DNAJC3: variants seen among roughly 807,000 people sequenced by gnomAD.
DNAJC3 encodes DnaJ heat shock protein family (Hsp40) member C3, also known as dnaJ homolog subfamily C member 3.
Under a neutral mutation model 68.6 loss-of-function variants are expected in DNAJC3, and 38 were observed. The observed-to-expected ratio is 0.55, with a 90% confidence interval of 0.43 to 0.73. The LOEUF is 0.73. Ranked by LOEUF, DNAJC3 falls within the 30% of genes least tolerant of loss-of-function variation. The pLI, the probability that DNAJC3 is intolerant of heterozygous loss-of-function variation, is 0.00. For missense variants in DNAJC3, 526 were observed against 591.9 expected, an observed-to-expected ratio of 0.89 and a Z score of 1.16; for synonymous variants, 203 against 204.0, an observed-to-expected ratio of 1.00 and a Z score of 0.04.
intron 11 of DNAJC3, among the ~76,000 whole-genome samples, chr13:95,788,818 T>G (rs1242810755): frequency 6.6e-6 from 1 of 152,186 alleles, no homozygotes; most frequent in Non-Finnish European, 1.5e-5. Context: ...TAGATTAATT[T>G]TGCCTGTGAG....
At chr13:95,723,122 CT>C (rs1480116574) in intron 2 of DNAJC3, 119 bp from the exon 3 acceptor site, 12 of 926,316 alleles carry the variant, frequency 1.3e-5, no homozygotes, top group Admixed American at 3.0e-5. Context: ...TGATGAGATT[CT>C]TTTCTTAATG....
In DNAJC3 at chr13:95,792,982, C is replaced by G. The variant is rs1185732763; in HGVS notation, c.*1952C>G. ...TGGAGAGCACGACAGTTGCCAACAA[C>G]AAGGGGTCAAGGGCCGCACAGGAGA... On this transcript the variant is annotated 3_prime_UTR_variant, in exon 12 of 12. Coordinates refer to ENST00000602402, the MANE Select transcript of DNAJC3 (RefSeq NM_006260.5). The G allele has an allele frequency of 1.3e-5, 2 of 152,180 alleles. No homozygotes were observed. The highest frequency in any genetic ancestry group is 4.8e-5 in the African/African-American group (2 of 41,442). 9.4% of individuals were successfully genotyped at this position (152,180 alleles called of 1,614,324 possible). A position where few individuals can be genotyped will look rare whatever the true frequency, so the allele number is the denominator to read the frequency against.
At chr13:95,692,619 C>T (rs1880304007) in intron 1 of DNAJC3, 1 of 152,108 alleles carries the variant, frequency 6.6e-6, no homozygotes, top group African/African-American at 2.4e-5. Flanking sequence ...CTGCTTCTAT[C>T]CCCTAATAGA....
At chr13:95,707,592 C>T (rs986822897) in intron 1 of DNAJC3, among the ~76,000 whole-genome samples, 4 of 152,142 alleles carry the variant, frequency 2.6e-5, no homozygotes, top group Non-Finnish European at 5.9e-5. Flanking sequence ...TCTCTGTGGG[C>T]CTGTCTCCTA....
intron 4 of DNAJC3, among the ~76,000 whole-genome samples, chr13:95,739,541 C>G (rs1241548021): frequency 1.3e-5 from 2 of 151,588 alleles, no homozygotes; most frequent in South Asian, 2.1e-4. Flanking sequence ...TCTTTTTTCT[C>G]TAAACTTCCC....
intron 1 of DNAJC3, among the ~76,000 whole-genome samples, chr13:95,701,417 G>A (rs17882362): frequency 0.064 from 9,746 of 152,266 alleles, 465 homozygotes; most frequent in East Asian, 0.18. Flanking sequence ...GAGGAGAGGG[G>A]CCGCTAAATG....
intron 1 of DNAJC3, among the ~76,000 whole-genome samples, chr13:95,691,500 G>T (rs1324108003): frequency 6.6e-6 from 1 of 151,750 alleles, no homozygotes; most frequent in Non-Finnish European, 1.5e-5. Flanking sequence ...ATGTGATGGC[G>T]GCCGGGAAGA....
At chr13:95,790,839 T>C in intron 11 of DNAJC3, 34 bp from the exon 12 acceptor site, 1 of 1,592,384 alleles carries the variant, frequency 6.3e-7, no homozygotes, top group Non-Finnish European at 8.5e-7. Context: ...ACCTTAGATA[T>C]TATCTGGTTC....
chr13:95,722,785 G>A (rs1415303188), intron 2 of DNAJC3, among the ~76,000 whole-genome samples: 4 of 108,632 alleles, frequency 3.7e-5, no homozygotes, highest in African/African-American at 7.5e-5. Context: ...ATGCCACTGC[G>A]CTCCAACCTG....
At chr13:95,679,038 G>A (rs547784621) in intron 1 of DNAJC3, among the ~76,000 whole-genome samples, 2 of 152,184 alleles carry the variant, frequency 1.3e-5, no homozygotes, top group South Asian at 2.1e-4. Flanking sequence ...TCACGAAAGC[G>A]TGTGGTATTC....
At chr13:95,776,339 T>C (rs1039896106) in intron 9 of DNAJC3, among the ~76,000 whole-genome samples, 1 of 152,166 alleles carries the variant, frequency 6.6e-6, no homozygotes, top group African/African-American at 2.4e-5. Flanking sequence ...TGTTTAGAAG[T>C]TTTCTTTTTT....
chr13:95,736,921 A>G (rs1434177777), intron 4 of DNAJC3, among the ~76,000 whole-genome samples: 1 of 149,788 alleles, frequency 6.7e-6, no homozygotes, highest in Non-Finnish European at 1.5e-5. Flanking sequence ...GAATGCTTCC[A>G]GTTTTTGCCC....
intron 4 of DNAJC3, 128 bp from the exon 5 acceptor site, chr13:95,757,516 T>C (rs1449866695): frequency 1.0e-5 from 10 of 982,710 alleles, no homozygotes; most frequent in Non-Finnish European, 8.2e-6. Context: ...CAAGCCAGTT[T>C]TTCCAGTATC....
rs79513703 is a variant in DNAJC3, at chr13:95,742,695, T to A, written c.394-14949T>A. On this transcript the variant is annotated intron_variant, in intron 4 of 11. Coordinates refer to ENST00000602402, the MANE Select transcript of DNAJC3 (RefSeq NM_006260.5). ...TCTCTCCTAGATGATCTATACTTGCTATTTTGGTTCTTCCTTATGAAGAAG... is the reference window on the plus strand; with the variant it reads ...TCTCTCCTAGATGATCTATACTTGCAATTTTGGTTCTTCCTTATGAAGAAG... The A allele has an allele frequency of 1.4e-4, 74 of 519,016 alleles. No homozygotes were observed. The East Asian group carries it at 3.9e-3, about 28-fold the overall frequency. The allele number at this position is 519,016 out of a possible 1,614,324, so 32.2% of individuals were successfully genotyped here.
chr13:95,770,534 T>C (rs183625841), intron 9 of DNAJC3, among the ~76,000 whole-genome samples: 1 of 152,328 alleles, frequency 6.6e-6, no homozygotes, highest in Admixed American at 6.5e-5. Flanking sequence ...AAAAATAAAG[T>C]CAACAAAACA....
At chr13:95,684,724 C>T (rs1880025664) in intron 1 of DNAJC3, among the ~76,000 whole-genome samples, 1 of 152,206 alleles carries the variant, frequency 6.6e-6, no homozygotes, top group African/African-American at 2.4e-5. Context: ...GGGCCAGGGC[C>T]CTGCCAGCCT....
chr13:95,685,987 AGTCTTGCTCTGTCGC>A (rs1880064765), intron 1 of DNAJC3, among the ~76,000 whole-genome samples: 1 of 146,690 alleles, frequency 6.8e-6, no homozygotes, highest in African/African-American at 2.5e-5. Flanking sequence ...TTTGAGACAG[AGTCTTGCTCTGTCGC>A]CCAGGCTGGA....
chr13:95,693,747 C>T (rs1880349982), intron 1 of DNAJC3: 1 of 133,924 alleles, frequency 7.5e-6, no homozygotes, highest in South Asian at 2.4e-4. Flanking sequence ...TCAACTTCTC[C>T]AATATACTGG....
At chr13:95,721,819 T>C (rs1470451267) in intron 2 of DNAJC3, among the ~76,000 whole-genome samples, 2 of 152,160 alleles carry the variant, frequency 1.3e-5, no homozygotes, top group African/African-American at 4.8e-5. Context: ...TAATCTCTTT[T>C]TCTGACCCAC....
Sources: gnomAD v4.1 joint callset for allele counts (sites outside exome capture counted in the v4.1 genomes callset) on GRCh38, gnomAD v4.1.1 for gene constraint, MANE v1.5 for transcripts, NCBI Gene and HGNC (gene_info 2026-07-23, HGNC 2026-07-21) for gene names.